Variants in PBLD observed in about 807,000 individuals in gnomAD.
PBLD encodes the protein phenazine biosynthesis like protein domain containing, also known as phenazine biosynthesis-like domain-containing protein.
In PBLD, 26 loss-of-function variants were observed where a neutral mutation model predicts 31.3. The observed-to-expected ratio is 0.83, with a 90% CI of 0.61 to 1.15. The LOEUF is 1.15. Ranked by LOEUF, PBLD falls within the 50% of genes most tolerant of loss-of-function variation. The pLI is 0.00. For synonymous variants in PBLD, 114 were observed against 129.0 expected (o/e 0.88, Z 0.79); for missense variants, 307 against 351.7 (o/e 0.87, Z 1.02).
At chr10:68,294,655 C>T (rs917996681) in intron 4 of PBLD, among the ~76,000 whole-genome samples, 1 of 152,250 alleles carries the variant, frequency 6.6e-6, no homozygotes, top group African/African-American at 2.4e-5. Context: ...GAGCTCCCCA[C>T]GGATTTGGCC....
At chr10:68,331,509 G>T (rs533785779) in intron 1 of PBLD, 32 of 152,426 alleles carry the variant, frequency 2.1e-4, no homozygotes, top group African/African-American at 7.7e-4. Flanking sequence ...GGAAGGAGGC[G>T]GACACCCAGC....
intron 8 of PBLD, among the ~76,000 whole-genome samples, chr10:68,286,430 T>C (rs1035113037): frequency 4.0e-4 from 60 of 151,872 alleles, no homozygotes; most frequent in African/African-American, 1.5e-3. Context: ...AGTATCTCCT[T>C]CTTCCCAGAG....
chr10:68,331,081 C>A (rs1441209565), intron 1 of PBLD: 1 of 152,284 alleles, frequency 6.6e-6, no homozygotes, highest in African/African-American at 2.4e-5. Context: ...ACTATGTTGC[C>A]CAGGCTGGTC....
intron 1 of PBLD, among the ~76,000 whole-genome samples, chr10:68,323,532 C>G (rs1443162275): frequency 6.6e-6 from 1 of 152,110 alleles, no homozygotes; most frequent in Non-Finnish European, 1.5e-5. Flanking sequence ...TGCACTCCAG[C>G]CTGAGGGACA....
In PBLD at chr10:68,282,917, A is replaced by G. The variant is rs774983905; in HGVS notation, c.*1260T>C. 2 of 152,188 alleles carry G rather than the reference A, an allele frequency of 1.3e-5. No homozygotes were observed. Among genetic ancestry groups the G allele is most frequent in the African/African-American group, 4.8e-5 (2 of 41,444 alleles). The allele number at this position is 152,188 out of a possible 1,614,324, so 9.4% of individuals were successfully genotyped here. A position where few individuals can be genotyped will look rare whatever the true frequency, so the allele number is the denominator to read the frequency against. On this transcript the variant is annotated 3_prime_UTR_variant, in exon 10 of 10. Transcript: ENST00000358769. ...AAAAGTCCCCATCCCAAAGTCAACT[A>G]TAGGTATTCAATATTGTATATTTAA...
In PBLD at chr10:68,306,832, T is replaced by C. The variant is rs1243200209; in HGVS notation, c.13A>G (p.Ile5Val). 7 of 1,607,768 alleles carry C rather than the reference T, an allele frequency of 4.4e-6. No homozygotes were observed. Among genetic ancestry groups the C allele is most frequent in the African/African-American group, 1.3e-5 (1 of 74,924 alleles). MKLP[I>V]FIADAFTARA... Reference sequence around the variant, plus strand: ...GCTGTGAATGCATCTGCTATGAAAATAGGAAGCTTCATTTTCCTTGCAAGC... The same window carrying C: ...GCTGTGAATGCATCTGCTATGAAAACAGGAAGCTTCATTTTCCTTGCAAGC... Residue 5 changes from isoleucine (I) to valine (V), a missense_variant, in exon 2 of 10, where the codon ATT (isoleucine) becomes GTT (valine). By Grantham distance (29) the Ile-to-Val change is conservative. Coordinates refer to ENST00000358769, the MANE Select transcript of PBLD (RefSeq NM_022129.4).
chr10:68,289,419 C>T (rs1044568174), intron 6 of PBLD, among the ~76,000 whole-genome samples: 5 of 151,892 alleles, frequency 3.3e-5, no homozygotes, highest in Non-Finnish European at 7.4e-5. Flanking sequence ...CTCAGCTACT[C>T]GGGAGGCTGA....
chr10:68,329,487 T>C (rs184233842), intron 1 of PBLD, among the ~76,000 whole-genome samples: 4 of 152,342 alleles, frequency 2.6e-5, no homozygotes, highest in Admixed American at 1.3e-4. Flanking sequence ...CAGAATTCCA[T>C]CTGCCAAATC....
At chr10:68,288,452 T>A (rs1269342650) in intron 8 of PBLD, 31 bp downstream of exon 8, 1 of 1,604,562 alleles carries the variant, frequency 6.2e-7, no homozygotes. Flanking sequence ...TTCCATTGTT[T>A]AACCCTCCCC....
chr10:68,295,730 T>C (rs879733705), intron 4 of PBLD, among the ~76,000 whole-genome samples: 5 of 151,966 alleles, frequency 3.3e-5, no homozygotes, highest in Non-Finnish European at 7.4e-5. Context: ...TGCAGATGGA[T>C]CACTGGAGGC....
intron 1 of PBLD, among the ~76,000 whole-genome samples, chr10:68,328,364 C>T (rs899009291): frequency 2.0e-5 from 3 of 152,130 alleles, no homozygotes; most frequent in Non-Finnish European, 2.9e-5. Flanking sequence ...GCCTTCCCTC[C>T]CCCCGAAGAG....
chr10:68,284,016 C>T lies in PBLD; in HGVS notation c.*161G>A, dbSNP rs140405856. 1.4e-5 allele frequency: 8 copies of T among 582,342 alleles called. No homozygotes were observed. Among genetic ancestry groups the T allele is most frequent in the African/African-American group, 3.8e-5 (2 of 52,956 alleles). The allele number at this position is 582,342 out of a possible 1,614,324, so 36.1% of individuals were successfully genotyped here. ...CCCACCTTGGCCTCTCAAAGTGCTACGATTACAGGCATGAGCCACTGCGCC... is the reference window on the plus strand; with the variant it reads ...CCCACCTTGGCCTCTCAAAGTGCTATGATTACAGGCATGAGCCACTGCGCC... On this transcript the variant is annotated 3_prime_UTR_variant, in exon 10 of 10. Transcript: ENST00000358769.
At chr10:68,307,387 T>C (rs570675219) in intron 1 of PBLD, among the ~76,000 whole-genome samples, 11 of 152,338 alleles carry the variant, frequency 7.2e-5, no homozygotes, top group African/African-American at 2.6e-4. Context: ...ACTGGCTAAA[T>C]TGATTTTTTC....
Position 68,296,879 on chromosome 10 carries a change from T to C in PBLD, c.184+7A>G. 6.2e-7 allele frequency: 1 copy of C among 1,602,888 alleles called. No homozygotes were observed. On this transcript the variant is annotated splice_region_variant and intron_variant, in intron 3 of 9. Coordinates refer to ENST00000358769, the MANE Select transcript of PBLD (RefSeq NM_022129.4). ...ACAGTTCTTAAAAAAAAAAAATGCA[T>C]ATTTACTTTGTGCAAAGTTGTCTGT...
intron 6 of PBLD, among the ~76,000 whole-genome samples, chr10:68,290,863 C>T (rs2134432299): frequency 6.6e-6 from 1 of 152,278 alleles, no homozygotes; most frequent in East Asian, 1.9e-4. Flanking sequence ...CTACCATGAA[C>T]AAGGTCTACC....
chr10:68,306,767 T>C lies in PBLD; in HGVS notation c.78A>G (p.Leu26=), dbSNP rs1422811290. 9 of 1,612,256 alleles carry C rather than the reference T, an allele frequency of 5.6e-6. No homozygotes were observed. Among genetic ancestry groups the C allele is most frequent in the Non-Finnish European group, 7.6e-6 (9 of 1,178,708 alleles). The change falls in exon 2 of 10, where the codon CTA becomes CTG. Residue 26 remains leucine, a synonymous_variant. Transcript: ENST00000358769. The part of the protein sequence containing the change: ...FRGNPAAVCL[L]ENELDEDMHQ... The stretch of plus-strand genomic sequence containing the variant: ...TTCAAAACCAAGCACTTACATTTTC[T>C]AGGAGGCAAACAGCAGCAGGATTCC...
intron 4 of PBLD, 26 bp downstream of exon 4, chr10:68,296,240 A>C (rs765727238): frequency 6.5e-7 from 1 of 1,548,730 alleles, no homozygotes; most frequent in Admixed American, 1.8e-5. Context: ...GCTAAGTGTT[A>C]GATTCATTAA....
chr10:68,300,598 C>T (rs975975901), intron 2 of PBLD, among the ~76,000 whole-genome samples: 1 of 150,778 alleles, frequency 6.6e-6, no homozygotes, highest in African/African-American at 2.4e-5. Flanking sequence ...CCCAGGTGAT[C>T]GTGTGCACAT....
chr10:68,292,979 G>A (rs1161522016), intron 4 of PBLD, among the ~76,000 whole-genome samples: 7 of 152,114 alleles, frequency 4.6e-5, no homozygotes, highest in Non-Finnish European at 1.0e-4. Flanking sequence ...TCCCACCTCA[G>A]CCTCCCCAGT....
Sources: allele counts gnomAD v4.1 joint callset (sites outside exome capture counted in the v4.1 genomes callset), GRCh38; gene constraint gnomAD v4.1.1; transcripts MANE v1.5; gene names NCBI Gene and HGNC (gene_info 2026-07-23, HGNC 2026-07-21).